The following PCBP3 variants were observed in gnomAD, a reference collection of about 807,000 sequenced individuals.
The protein encoded by PCBP3 is poly(rC) binding protein 3, also known as poly(rC)-binding protein 3.
PCBP3 carries 25 observed loss-of-function variants against 52.7 expected under a neutral mutation model. That is an observed-to-expected ratio of 0.47 (90% CI 0.35 to 0.66). The LOEUF (loss-of-function observed/expected upper bound fraction) is 0.66. Among genes scored for constraint, PCBP3 ranks in the 30% least tolerant of loss-of-function variants. The pLI is 0.01. For synonymous variants in PCBP3, 162 were observed against 183.0 expected (o/e 0.89, Z 0.93); for missense variants, 391 against 490.3 (o/e 0.80, Z 1.91).
At chr21:45,818,061 C>T (rs1214377924) in intron 4 of PCBP3, among the ~76,000 whole-genome samples, 4 of 152,050 alleles carry the variant, frequency 2.6e-5, no homozygotes, top group Non-Finnish European at 4.4e-5. Context: ...CTCGCACTGT[C>T]GCCCAGGCTG....
At chr21:45,897,636 T>C (rs764181051) in intron 6 of PCBP3, among the ~76,000 whole-genome samples, 1 of 152,156 alleles carries the variant, frequency 6.6e-6, no homozygotes, top group Admixed American at 6.5e-5. Flanking sequence ...CCTGTTCCTA[T>C]AGCCCCATCC....
chr21:45,929,486 G>T (rs562087968), intron 13 of PCBP3, among the ~76,000 whole-genome samples: 1 of 152,208 alleles, frequency 6.6e-6, no homozygotes, highest in Non-Finnish European at 1.5e-5. Context: ...TGCCTCTGTG[G>T]ATCCCACAGG....
intron 2 of PCBP3, among the ~76,000 whole-genome samples, chr21:45,709,385 A>AAT (rs1488057080): frequency 6.6e-6 from 1 of 152,138 alleles, no homozygotes. Context: ...CAAATGATGA[A>AAT]ATATTGAGTA....
chr21:45,808,520 A>AT (rs1405170401), intron 4 of PCBP3, among the ~76,000 whole-genome samples: 2 of 152,250 alleles, frequency 1.3e-5, no homozygotes, highest in Non-Finnish European at 2.9e-5. Context: ...AATGGCGATC[A>AT]TTAAAAAGTC....
chr21:45,678,202 A>T (rs1352808525), intron 2 of PCBP3, among the ~76,000 whole-genome samples: 2 of 151,768 alleles, frequency 1.3e-5, no homozygotes, highest in Non-Finnish European at 2.9e-5. Flanking sequence ...ATTACTCGGG[A>T]GGCTGAGGCA....
At chr21:45,933,315 A>G (rs1042196131) in intron 15 of PCBP3, among the ~76,000 whole-genome samples, 1 of 152,280 alleles carries the variant, frequency 6.6e-6, no homozygotes, top group Non-Finnish European at 1.5e-5. Flanking sequence ...CCTGAGATGA[A>G]TGAACACATT....
chr21:45,833,091 C>A (rs1278691751), intron 4 of PCBP3, among the ~76,000 whole-genome samples: 3 of 152,336 alleles, frequency 2.0e-5, no homozygotes, highest in Non-Finnish European at 2.9e-5. Context: ...GCCAGCGAGG[C>A]TCTCTGTGGG....
intron 2 of PCBP3, among the ~76,000 whole-genome samples, chr21:45,691,346 T>G (rs1030500767): frequency 6.7e-6 from 1 of 148,790 alleles, no homozygotes; most frequent in African/African-American, 2.5e-5. Flanking sequence ...TACCAGAGCC[T>G]TTTGGGGTGA....
chr21:45,767,034 C>T (rs564905108), intron 4 of PCBP3, among the ~76,000 whole-genome samples: 59 of 152,264 alleles, frequency 3.9e-4, no homozygotes, highest in African/African-American at 1.3e-3. Context: ...TGAGGGGTCA[C>T]TCCCCTCCCC....
intron 5 of PCBP3, among the ~76,000 whole-genome samples, chr21:45,891,153 G>GGGAATGTAGATAGT (rs1195898296): frequency 6.6e-6 from 1 of 152,278 alleles, no homozygotes; most frequent in Non-Finnish European, 1.5e-5. Flanking sequence ...CACTGCTGAG[G>GGGAATGTAGATAGT]GGAATGTAGA....
At chr21:45,664,543 T>C (rs2080646063) in intron 1 of PCBP3, among the ~76,000 whole-genome samples, 1 of 151,892 alleles carries the variant, frequency 6.6e-6, no homozygotes, top group South Asian at 2.1e-4. Flanking sequence ...AAAATTATAA[T>C]AACATTAGCT....
At chr21:45,849,026 TG>T (rs2093889174) in intron 4 of PCBP3, among the ~76,000 whole-genome samples, 2 of 152,308 alleles carry the variant, frequency 1.3e-5, no homozygotes, top group South Asian at 4.1e-4. Flanking sequence ...CATCCTTTTT[TG>T]TTGGTCAGCA....
intron 5 of PCBP3, among the ~76,000 whole-genome samples, chr21:45,875,509 C>T (rs976976509): frequency 1.8e-4 from 27 of 152,218 alleles, no homozygotes; most frequent in African/African-American, 6.3e-4. Flanking sequence ...CTACTGGGCT[C>T]CTGGGAAAGT....
At chr21:45,929,064 T>C (rs780099237) in intron 13 of PCBP3, among the ~76,000 whole-genome samples, 5 of 152,228 alleles carry the variant, frequency 3.3e-5, no homozygotes, top group Non-Finnish European at 7.4e-5. Flanking sequence ...ATTATGAGCC[T>C]CACCTTGCCA....
intron 2 of PCBP3, among the ~76,000 whole-genome samples, chr21:45,731,766 A>G (rs919964653): frequency 6.6e-6 from 1 of 152,172 alleles, no homozygotes; most frequent in Non-Finnish European, 1.5e-5. Context: ...CAGTTCACAT[A>G]TAATGTAAGA....
chr21:45,787,331 A>C (rs939305182), intron 4 of PCBP3, among the ~76,000 whole-genome samples: 7 of 151,918 alleles, frequency 4.6e-5, no homozygotes, highest in African/African-American at 1.7e-4. Context: ...TGCATCCTCA[A>C]CTTCCTGGGC....
chr21:45,686,658 T>C (rs1201128099), intron 2 of PCBP3, among the ~76,000 whole-genome samples: 2 of 152,140 alleles, frequency 1.3e-5, no homozygotes, highest in Non-Finnish European at 2.9e-5. Context: ...TATAAATATG[T>C]AGAAGTACTT....
intron 5 of PCBP3, among the ~76,000 whole-genome samples, chr21:45,881,431 C>G (rs1354103713): frequency 6.6e-6 from 1 of 152,112 alleles, no homozygotes; most frequent in Non-Finnish European, 1.5e-5. Context: ...GTTGAGACCA[C>G]AGGTGCACTC....
In PCBP3 at chr21:45,837,181, A is replaced by G. The variant is rs2093608901; in HGVS notation, c.-125-12780A>G. Among the ~76,000 whole-genome samples, 1 of 152,250 alleles carries G rather than the reference A, an allele frequency of 6.6e-6. No homozygotes were observed. The highest frequency in any genetic ancestry group is 2.1e-4 in the South Asian group (1 of 4,830). The stretch of plus-strand genomic sequence containing the variant: ...CGTGTTAGCGCCACGGATGATCTAC[A>G]GTCCACCAACATTCTGAATGTTTGC... On this transcript the variant is annotated intron_variant, in intron 4 of 17. Transcript: ENST00000681687. This position sits in a 1 kb window ranked among gnomAD's most constrained non-coding sequence, Gnocchi z 4.1.
Sources: allele counts gnomAD v4.1 joint callset (sites outside exome capture counted in the v4.1 genomes callset), GRCh38; gene constraint gnomAD v4.1.1; non-coding constraint Gnocchi (gnomAD v3.1); transcripts MANE v1.5; gene names NCBI Gene and HGNC (gene_info 2026-07-23, HGNC 2026-07-21).